The following DCC variants were observed in gnomAD, a reference collection of about 807,000 sequenced individuals.
The protein encoded by DCC is netrin receptor DCC.
In DCC, 58 loss-of-function variants were observed where a neutral mutation model predicts 172.5. The ratio of observed to expected loss-of-function variants is 0.34; its 90% CI spans 0.27 to 0.42. The LOEUF (loss-of-function observed/expected upper bound fraction) is 0.42, where lower values mean the gene tolerates loss of function less well. Among genes scored for constraint, DCC ranks in the 10% least tolerant of loss-of-function variants. The pLI is 1.00. For synonymous variants in DCC, 709 were observed against 644.5 expected, an observed-to-expected ratio of 1.10 and a Z score of -1.52; for missense variants, 1,740 against 1,791.0, an observed-to-expected ratio of 0.97 and a Z score of 0.51.
At chr18:53,177,850 G>A (rs2055132260) in intron 8 of DCC, among the ~76,000 whole-genome samples, 1 of 152,176 alleles carries the variant, frequency 6.6e-6, no homozygotes, top group South Asian at 2.1e-4. Context: ...GCCAGTCTCT[G>A]CCATCAGTCA....
chr18:52,905,694 C>T (rs2039871881), intron 2 of DCC, among the ~76,000 whole-genome samples: 1 of 152,170 alleles, frequency 6.6e-6, no homozygotes, highest in Non-Finnish European at 1.5e-5. Context: ...GTAGGACTGT[C>T]ATCTAAAAAC....
At chr18:53,168,463 G>C (rs551844750) in intron 8 of DCC, among the ~76,000 whole-genome samples, 1 of 149,622 alleles carries the variant, frequency 6.7e-6, no homozygotes, top group South Asian at 2.1e-4. Flanking sequence ...ACTAATACAA[G>C]AACAGAAGAC....
At position 52,506,475 on chromosome 18, in the gene DCC, T is replaced by C. The variant is rs545344774; in HGVS notation, c.91+165597T>C. 2.0e-5 allele frequency among the ~76,000 whole-genome samples: 3 copies of C among 152,142 alleles called. No individual in the cohort carries two copies. The East Asian group carries it at 5.8e-4, about 29-fold the overall frequency. Reference sequence around the variant, plus strand: ...CGTTTAAAATGCATATCCATATAAATGGTTAGGTTGTGTTATGATATTGTC... The same window carrying C: ...CGTTTAAAATGCATATCCATATAAACGGTTAGGTTGTGTTATGATATTGTC... On this transcript the variant is annotated intron_variant, in intron 1 of 28. Coordinates refer to ENST00000442544, the MANE Select transcript of DCC (RefSeq NM_005215.4).
chr18:53,526,139 A>G lies in DCC; in HGVS notation c.4112-478A>G, dbSNP rs542716567. Among the ~76,000 whole-genome samples the G allele has an allele frequency of 5.3e-5, 8 of 152,282 alleles. No homozygotes were observed. In the South Asian group the frequency reaches 1.0e-3, roughly 20 times the overall value. On this transcript the variant is annotated intron_variant, in intron 27 of 28. Coordinates refer to ENST00000442544, the MANE Select transcript of DCC (RefSeq NM_005215.4). ...AAAATGATAGTCTATCAAATTAGCC[A>G]TGATGGATTTTATTTTATTCTAACG...
intron 9 of DCC, among the ~76,000 whole-genome samples, chr18:53,203,258 T>C (rs1343171595): frequency 1.3e-5 from 2 of 151,562 alleles, no homozygotes; most frequent in Non-Finnish European, 2.9e-5. Context: ...TATGTAATTA[T>C]ACAGAAAGGA....
chr18:53,142,400 A>C (rs1235423899), intron 7 of DCC, among the ~76,000 whole-genome samples: 1 of 152,192 alleles, frequency 6.6e-6, no homozygotes, highest in Non-Finnish European at 1.5e-5. Flanking sequence ...TAAGAATCCT[A>C]AAACTTAACA....
chr18:53,339,691 G>A (rs897461892), intron 14 of DCC, 22 bp from the exon 15 acceptor site: 1 of 1,598,100 alleles, frequency 6.3e-7, no homozygotes, highest in Non-Finnish European at 8.6e-7. Flanking sequence ...ACATGCTGAT[G>A]ATGCCTCTTT....
intron 9 of DCC, among the ~76,000 whole-genome samples, chr18:53,185,519 A>G (rs1440962722): frequency 2.6e-5 from 4 of 152,202 alleles, no homozygotes; most frequent in African/African-American, 9.7e-5. Context: ...CCCTATTCCA[A>G]CTTCTTAGTA....
intron 1 of DCC, among the ~76,000 whole-genome samples, chr18:52,589,593 G>A (rs990248617): frequency 1.3e-5 from 2 of 152,152 alleles, no homozygotes; most frequent in South Asian, 2.1e-4. Context: ...CTCTTCCATG[G>A]GTTTTTGTAC....
intron 14 of DCC, among the ~76,000 whole-genome samples, chr18:53,330,165 GTATTTTTAAA>G (rs1170440172): frequency 6.6e-6 from 1 of 152,024 alleles, no homozygotes; most frequent in African/African-American, 2.4e-5. Flanking sequence ...TTTTCTTCAG[GTATTTTTAAA>G]TATAACAAAG....
At chr18:52,609,959 A>G (rs1299117652) in intron 1 of DCC, among the ~76,000 whole-genome samples, 2 of 151,368 alleles carry the variant, frequency 1.3e-5, no homozygotes, top group Admixed American at 6.6e-5. Context: ...AGGGTAAAAT[A>G]GGTTAAATGT....
At chr18:52,467,992 T>C (rs1988837455) in intron 1 of DCC, among the ~76,000 whole-genome samples, 1 of 152,162 alleles carries the variant, frequency 6.6e-6, no homozygotes, top group East Asian at 1.9e-4. Flanking sequence ...TATAGAGCAG[T>C]GTTTGAATGA....
chr18:52,585,523 T>G (rs746491843), intron 1 of DCC, among the ~76,000 whole-genome samples: 47 of 152,202 alleles, frequency 3.1e-4, no homozygotes, highest in Admixed American at 3.3e-4. Flanking sequence ...TTTCTTAGTT[T>G]AAAGGAAATC....
chr18:53,212,486 A>G (rs890214428), intron 11 of DCC, among the ~76,000 whole-genome samples: 1 of 152,156 alleles, frequency 6.6e-6, no homozygotes, highest in Non-Finnish European at 1.5e-5. Context: ...GGAACTGATC[A>G]CTAAAAATAC....
intron 5 of DCC, among the ~76,000 whole-genome samples, chr18:53,050,417 T>C (rs1309174877): frequency 1.3e-5 from 2 of 152,138 alleles, no homozygotes; most frequent in African/African-American, 2.4e-5. Flanking sequence ...CCATGGAATG[T>C]TTTCCATTTT....
chr18:52,877,783 AAGTT>A (rs2039425153), intron 2 of DCC, among the ~76,000 whole-genome samples: 2 of 146,112 alleles, frequency 1.4e-5, no homozygotes, highest in Non-Finnish European at 3.0e-5. Flanking sequence ...GGGAGTTTCT[AAGTT>A]AGGTTCTGTG....
At chr18:52,643,353 C>T (rs1196974331) in intron 1 of DCC, among the ~76,000 whole-genome samples, 1 of 152,102 alleles carries the variant, frequency 6.6e-6, no homozygotes, top group African/African-American at 2.4e-5. Context: ...TCAGAAAATA[C>T]CATGCTTACA....
intron 1 of DCC, among the ~76,000 whole-genome samples, chr18:52,402,342 G>C (rs559390194): frequency 1.3e-5 from 2 of 152,124 alleles, no homozygotes; most frequent in South Asian, 4.1e-4. Context: ...GAATGCATTT[G>C]AGTAAGTAAT....
rs72917333 is a variant in DCC at position 53,083,595 on chromosome 18, G to T, written c.1261+17429G>T. 5.4e-3 allele frequency among the ~76,000 whole-genome samples: 820 copies of T among 152,196 alleles called. 7 individuals carry two copies. The highest frequency in any genetic ancestry group is 6.3e-3 in the Non-Finnish European group (428 of 68,002). On this transcript the variant is annotated intron_variant, in intron 7 of 28. Coordinates refer to ENST00000442544, the MANE Select transcript of DCC (RefSeq NM_005215.4). ...TTACTTGCACATTAGTTTTTAGAAA[G>T]AGTACATTTTAACACTCTTGGCTAT...
Sources: gnomAD v4.1 joint callset for allele counts (sites outside exome capture counted in the v4.1 genomes callset) on GRCh38, gnomAD v4.1.1 for gene constraint, MANE v1.5 for transcripts, NCBI Gene and HGNC (gene_info 2026-07-23, HGNC 2026-07-21) for gene names.